ARHGAP36: variants seen among roughly 807,000 people sequenced by gnomAD.
The protein encoded by ARHGAP36 is Rho GTPase activating protein 36.
ARHGAP36 carries 7 observed loss-of-function variants against 32.9 expected under a neutral mutation model. The ratio of observed to expected loss-of-function variants is 0.21; its 90% CI spans 0.12 to 0.40. The LOEUF is 0.40. ARHGAP36 is among the 10% of genes least tolerant of loss of function. The pLI is 1.00. For missense variants in ARHGAP36, 383 were observed against 442.2 expected, an observed-to-expected ratio of 0.87 and a Z score of 1.20; for synonymous variants, 165 against 168.3, an observed-to-expected ratio of 0.98 and a Z score of 0.15.
chrX:131,075,570 T>C (rs149989488), intron 1 of ARHGAP36, among the ~76,000 whole-genome samples: 2,389 of 107,215 alleles, frequency 0.022, 67 homozygotes, highest in African/African-American at 0.075. Flanking sequence ...AATATATATA[T>C]ACACACACAC....
chrX:131,083,289 T>C (rs2079815308), intron 3 of ARHGAP36, 59 bp downstream of exon 3: 1 of 1,108,032 alleles, frequency 9.0e-7, no homozygotes, highest in Non-Finnish European at 1.2e-6. Flanking sequence ...CCCTGTGTAG[T>C]GTGGCCCTGG....
At chrX:131,060,850 T>A (rs190104749) in intron 1 of ARHGAP36, among the ~76,000 whole-genome samples, 4 of 112,595 alleles carry the variant, frequency 3.6e-5, no homozygotes, top group African/African-American at 1.3e-4. Flanking sequence ...AAATAAATAA[T>A]CTTTGGGTAG....
rs1286277183 is a variant in ARHGAP36, at chrX:131,084,957, A to G, written c.848A>G (p.Asp283Gly). Residue 283 changes from aspartate to glycine, a missense_variant, in exon 7 of 12, where the codon GAC becomes GGC. Coordinates refer to ENST00000276211, the MANE Select transcript of ARHGAP36 (RefSeq NM_144967.4). ...FDQGLDVVLD[D>G]NQNVHDVAAL... ...CAAGGTCTGGATGTAGTGCTGGATG[A>G]CAATCAGAATGTGCATGATGTGGCT... 2 of 1,210,287 alleles carry G rather than the reference A, an allele frequency of 1.7e-6. No individual in the cohort carries two copies. Among genetic ancestry groups the G allele is most frequent in the Non-Finnish European group, 1.1e-6 (1 of 895,321 alleles).
At chrX:131,071,770 G>A (rs1484124434) in intron 1 of ARHGAP36, among the ~76,000 whole-genome samples, 1 of 111,253 alleles carries the variant, frequency 9.0e-6, no homozygotes, top group Non-Finnish European at 1.9e-5. Context: ...CCCTCTTGCT[G>A]GGCTCACCCA....
In ARHGAP36 at chrX:131,058,455, C is replaced by A; in HGVS notation, c.-143+11C>A. 9.5e-7 allele frequency: 1 copy of A among 1,054,169 alleles called. No individual in the cohort carries two copies. The highest frequency in any genetic ancestry group is 1.2e-6 in the Non-Finnish European group (1 of 813,754). The allele number at this position is 1,054,169 out of a possible 1,213,427, so 86.9% of individuals were successfully genotyped here. On this transcript the variant is annotated intron_variant, in intron 1 of 11. Transcript: ENST00000276211. ...CCCGCCCCCGCCGTGGTGAGTGGGGCCCACCGAGTCGGGGGGCTGGGGTGC... is the reference window on the plus strand; with the variant it reads ...CCCGCCCCCGCCGTGGTGAGTGGGGACCACCGAGTCGGGGGGCTGGGGTGC...
intron 1 of ARHGAP36, among the ~76,000 whole-genome samples, chrX:131,068,587 C>G (rs911657129): frequency 9.2e-5 from 10 of 109,204 alleles, no homozygotes; most frequent in Non-Finnish European, 1.9e-4. Flanking sequence ...CAGTACCCTC[C>G]CCCTGGCCCT....
chrX:131,073,722 G>A (rs1450056364), intron 1 of ARHGAP36, among the ~76,000 whole-genome samples: 3 of 111,310 alleles, frequency 2.7e-5, no homozygotes, highest in South Asian at 3.9e-4. Flanking sequence ...TCTCTGACTT[G>A]CCCAAGGCCA....
chrX:131,075,031 C>G (rs1334051387), intron 1 of ARHGAP36, among the ~76,000 whole-genome samples: 2 of 112,087 alleles, frequency 1.8e-5, no homozygotes, highest in East Asian at 5.6e-4. Flanking sequence ...CCATTTTCAT[C>G]TTCAAAGGAT....
chrX:131,081,827 C>A lies in ARHGAP36; in HGVS notation c.162C>A (p.Ser54Arg), dbSNP rs764918160. The change falls in exon 2 of 12, where the codon AGC becomes AGA. Residue 54 changes from serine to arginine, a missense_variant. Around this residue, in one of 2 missense-constraint regions of ARHGAP36, gnomAD observed 156 missense variants for 131.0 expected, o/e 1.19. Coordinates refer to ENST00000276211, the MANE Select transcript of ARHGAP36 (RefSeq NM_144967.4). ...GGACGAAGATGGTATCGATACACAGCCTCTCTGAGCTGGAGCGTCTGAAGC... is the reference window on the plus strand; with the variant it reads ...GGACGAAGATGGTATCGATACACAGACTCTCTGAGCTGGAGCGTCTGAAGC... ...DRRTKMVSIHSLSELERLKLQ... is the reference protein window; with the variant it reads ...DRRTKMVSIHRLSELERLKLQ... The A allele has an allele frequency of 8.3e-7, 1 of 1,212,058 alleles. No homozygotes were observed. The highest frequency in any genetic ancestry group is 1.8e-5 in the South Asian group (1 of 56,993).
At chrX:131,087,127 GA>G (rs2079839660) in intron 11 of ARHGAP36, among the ~76,000 whole-genome samples, 1 of 111,499 alleles carries the variant, frequency 9.0e-6, no homozygotes, top group Admixed American at 9.5e-5. Context: ...TGACCTAGAA[GA>G]AGGAGCAGAT....
At chrX:131,078,656 TCCCCA>T in intron 1 of ARHGAP36, 3 of 314,746 alleles carry the variant, frequency 9.5e-6, no homozygotes, top group Non-Finnish European at 1.8e-5. Flanking sequence ...TCATTCCCCC[TCCCCA>T]CCCCACCCAT....
At chrX:131,066,863 G>C (rs942655130) in intron 1 of ARHGAP36, among the ~76,000 whole-genome samples, 2 of 111,807 alleles carry the variant, frequency 1.8e-5, no homozygotes, top group African/African-American at 6.5e-5. Flanking sequence ...AGGACCCAAG[G>C]AGATAATGCA....
Position 131,083,920 on chromosome X carries a change from G to A in ARHGAP36, c.506G>A (p.Arg169Lys). 1 of 1,212,048 alleles carries A rather than the reference G, an allele frequency of 8.3e-7. No individual in the cohort carries two copies. Among genetic ancestry groups the A allele is most frequent in the Non-Finnish European group, 1.1e-6 (1 of 895,630 alleles). ...FGRIRRFFSR[R>K]RNEPTLPREF... is the part of the protein sequence containing the mutation. ...CGCATCCGGCGCTTTTTCAGTCGCAGGCGGAATGAGCCCACCTTGCCCCGG... is the reference window on the plus strand; with the variant it reads ...CGCATCCGGCGCTTTTTCAGTCGCAAGCGGAATGAGCCCACCTTGCCCCGG... The change falls in exon 4 of 12, where the codon AGG (arginine) becomes AAG (lysine). Residue 169 changes from arginine to lysine, a missense_variant. Physicochemically the swap from Arg to Lys is conservative, Grantham distance 26. Coordinates refer to ENST00000276211, the MANE Select transcript of ARHGAP36 (RefSeq NM_144967.4).
At chrX:131,086,701 G>A in intron 11 of ARHGAP36, 36 bp downstream of exon 11, 1 of 1,168,653 alleles carries the variant, frequency 8.6e-7, no homozygotes, top group Non-Finnish European at 1.2e-6. Context: ...CCTTGCTGAA[G>A]GTCAGTCCCT....
intron 2 of ARHGAP36, among the ~76,000 whole-genome samples, chrX:131,082,346 TGAGA>T (rs1251683937): frequency 9.0e-6 from 1 of 111,668 alleles, no homozygotes; most frequent in Non-Finnish European, 1.9e-5. Flanking sequence ...AGACAGTGCG[TGAGA>T]GAGAGACGCT....
intron 1 of ARHGAP36, among the ~76,000 whole-genome samples, chrX:131,074,205 G>C (rs1324164554): frequency 9.0e-6 from 1 of 111,518 alleles, no homozygotes; most frequent in African/African-American, 3.3e-5. Flanking sequence ...TATTTCTTAT[G>C]CCCACTCTGT....
chrX:131,062,426 G>T (rs2079674740), intron 1 of ARHGAP36, among the ~76,000 whole-genome samples: 1 of 111,359 alleles, frequency 9.0e-6, no homozygotes, highest in Non-Finnish European at 1.9e-5. Flanking sequence ...ATAGTTTAAA[G>T]AATTTTTTCT....
chrX:131,082,030 G>A (rs2079803684), intron 2 of ARHGAP36, 112 bp downstream of exon 2: 1 of 952,441 alleles, frequency 1.0e-6, no homozygotes. Context: ...GCCTGATCTC[G>A]GACTTGATCA....
chrX:131,086,799 G>A, intron 11 of ARHGAP36, 134 bp downstream of exon 11: 1 of 484,794 alleles, frequency 2.1e-6, no homozygotes, highest in Non-Finnish European at 3.4e-6. Context: ...AAGATGAAGA[G>A]CTAGTATTTG....
Sources: allele counts gnomAD v4.1 joint callset (sites outside exome capture counted in the v4.1 genomes callset), GRCh38; gene constraint gnomAD v4.1.1; regional missense constraint gnomAD v4.1.1; transcripts MANE v1.5; gene names NCBI Gene and HGNC (gene_info 2026-07-23, HGNC 2026-07-21).